Variants in C11orf65 observed in about 807,000 individuals in gnomAD.
The protein encoded by C11orf65 is protein MFI.
Under a neutral mutation model 35.3 loss-of-function variants are expected in C11orf65, and 38 were observed. The observed-to-expected ratio is 1.08, with a 90% confidence interval of 0.83 to 1.41. C11orf65 has a LOEUF of 1.41. C11orf65 is among the 40% of genes most tolerant of loss of function. The pLI, the probability that C11orf65 is intolerant of heterozygous loss-of-function variation, is 0.00. For synonymous variants in C11orf65, 105 were observed against 114.4 expected (o/e 0.92, Z 0.53); for missense variants, 370 against 367.1 (o/e 1.01, Z -0.06).
intron 3 of C11orf65, among the ~76,000 whole-genome samples, chr11:108,427,898 T>C (rs2092929644): frequency 1.8e-5 from 2 of 112,292 alleles, no homozygotes; most frequent in Admixed American, 1.1e-4. Flanking sequence ...TGGCGGGATC[T>C]CGGCTCACTG....
At chr11:108,315,927 C>G (rs2136122887) in intron 6 of C11orf65, 1 of 1,608,378 alleles carries the variant, frequency 6.2e-7, no homozygotes, top group East Asian at 2.2e-5. Flanking sequence ...TTGCATTTTT[C>G]TAAACAACGG....
rs2092557044 is a variant in C11orf65, at chr11:108,407,163, T to C, written c.175-14A>G. ...TAGAAGCTCTGCCTATAAGAAAATA[T>C]ATTATTCTTATATATTATTCTTCAG... is the stretch of plus-strand genomic sequence containing the variant. On this transcript the variant is annotated splice_polypyrimidine_tract_variant and intron_variant, in intron 3 of 8. Coordinates refer to ENST00000393084, the MANE Select transcript of C11orf65 (RefSeq NM_152587.5). 2.0e-6 allele frequency: 3 copies of C among 1,537,788 alleles called. No individual in the cohort carries two copies. The highest frequency in any genetic ancestry group is 2.7e-6 in the Non-Finnish European group (3 of 1,128,112).
intron 3 of C11orf65, among the ~76,000 whole-genome samples, chr11:108,428,620 A>G (rs554421824): frequency 2.6e-5 from 4 of 152,308 alleles, no homozygotes; most frequent in Admixed American, 2.6e-4. Context: ...ATGAGAACAC[A>G]TGGACACAGG....
At chr11:108,457,063 C>A (rs1236300645) in intron 2 of C11orf65, among the ~76,000 whole-genome samples, 4 of 151,970 alleles carry the variant, frequency 2.6e-5, no homozygotes, top group African/African-American at 9.7e-5. Context: ...ATACTTTGTT[C>A]TCATCATATA....
intron 3 of C11orf65, among the ~76,000 whole-genome samples, chr11:108,426,860 G>A (rs2092909581): frequency 6.6e-6 from 1 of 151,750 alleles, no homozygotes; most frequent in Non-Finnish European, 1.5e-5. Context: ...TCTCATCCTT[G>A]ACAAACCTGA....
intron 3 of C11orf65, among the ~76,000 whole-genome samples, chr11:108,411,315 C>G (rs913422169): frequency 2.0e-5 from 3 of 152,110 alleles, no homozygotes; most frequent in Non-Finnish European, 4.4e-5. Context: ...TTTAATTCCA[C>G]TGGGACTAGA....
intron 2 of C11orf65, among the ~76,000 whole-genome samples, chr11:108,374,375 CAG>C (rs201218910): frequency 0.28 from 42,573 of 151,910 alleles, 7,116 homozygotes; most frequent in Middle Eastern, 0.53. Context: ...CCCAGGTAAA[CAG>C]GGTCTGGAGT....
At position 108,387,337 on chromosome 11, in the gene C11orf65, T is replaced by C. The variant is rs371727040; in HGVS notation, c.732-1362A>G. On this transcript the variant is annotated intron_variant, in intron 7 of 8. Transcript: ENST00000393084. ...GCCCGGCTAATTTTTGTACTTTTAG[T>C]ACAGACAGGGTTTCACCATGTTGGC... Among the ~76,000 whole-genome samples the C allele has an allele frequency of 4.6e-5, 7 of 151,806 alleles. No individual in the cohort carries two copies. In the South Asian group the frequency reaches 1.5e-3, roughly 32 times the overall value.
chr11:108,317,003 A>G (rs1030155212), intron 6 of C11orf65, among the ~76,000 whole-genome samples: 2 of 151,466 alleles, frequency 1.3e-5, no homozygotes, highest in Admixed American at 1.3e-4. Context: ...GCGTGATCAT[A>G]GTTCACTGCA....
intron 2 of C11orf65, among the ~76,000 whole-genome samples, chr11:108,444,424 T>A (rs766854010): frequency 1.3e-5 from 2 of 152,026 alleles, no homozygotes; most frequent in Admixed American, 6.6e-5. Flanking sequence ...TCTGAAACTA[T>A]CCCAATCAAT....
chr11:108,325,869 C>G (rs1341204198), intron 6 of C11orf65, among the ~76,000 whole-genome samples: 2 of 151,796 alleles, frequency 1.3e-5, no homozygotes, highest in African/African-American at 2.4e-5. Flanking sequence ...TAGAGAGAGA[C>G]AGACAGACAG....
At chr11:108,349,629 C>T (rs1565572188) in intron 2 of C11orf65, among the ~76,000 whole-genome samples, 1 of 152,046 alleles carries the variant, frequency 6.6e-6, no homozygotes, top group Non-Finnish European at 1.5e-5. Flanking sequence ...TGCCACTGCA[C>T]TTCAGCCTGG....
intron 2 of C11orf65, among the ~76,000 whole-genome samples, chr11:108,364,388 C>A (rs3092993): frequency 0.11 from 16,167 of 152,126 alleles, 1,205 homozygotes; most frequent in Non-Finnish European, 0.14. Context: ...TCAGAAATTC[C>A]TCATGAACTC....
intron 3 of C11orf65, 102 bp downstream of exon 3, chr11:108,431,644 C>T: frequency 1.7e-6 from 1 of 586,924 alleles, no homozygotes; most frequent in Non-Finnish European, 2.7e-6. Flanking sequence ...TTAATAAAAA[C>T]AGTTTTAAAA....
intron 6 of C11orf65, among the ~76,000 whole-genome samples, chr11:108,401,370 A>T (rs2092435889): frequency 6.6e-6 from 1 of 151,836 alleles, no homozygotes; most frequent in Non-Finnish European, 1.5e-5. Context: ...AGAAAACCCA[A>T]CTCCCCCTAA....
rs199736195 is a variant in C11orf65 at position 108,416,675 on chromosome 11, AAAC to A, written c.175-9529_175-9527del. 7.5e-3 allele frequency among the ~76,000 whole-genome samples: 1,148 copies of A among 152,152 alleles called. 8 individuals are homozygous for A. Among genetic ancestry groups the A allele is most frequent in the African/African-American group, 0.024 (1,014 of 41,498 alleles). On this transcript the variant is annotated intron_variant, in intron 3 of 8. Transcript: ENST00000393084. ...CCTGGGCGACAGAAACTCCGTGTCAAAACAACAACAACAACAAAACAAAAACAA... is the reference window on the plus strand; with the variant it reads ...CCTGGGCGACAGAAACTCCGTGTCAAAACAACAACAACAAAACAAAAACAA...
rs760228732 is a variant in C11orf65 at position 108,320,071 on chromosome 11, G to A, written c.641-11000C>T. On this transcript the variant is annotated intron_variant, in intron 6 of 6. Transcript: ENST00000525729. The stretch of plus-strand genomic sequence containing the variant: ...TCAAATATGCCAGGTATTATGAAAA[G>A]ACAAAGTTACTGTATTTTAACATTT... The A allele has an allele frequency of 1.3e-6, 2 of 1,539,300 alleles. No individual in the cohort carries two copies. Among genetic ancestry groups the A allele is most frequent in the Non-Finnish European group, 9.0e-7 (1 of 1,112,566 alleles).
At chr11:108,438,815 G>T (rs2093106828) in intron 2 of C11orf65, among the ~76,000 whole-genome samples, 1 of 152,020 alleles carries the variant, frequency 6.6e-6, no homozygotes, top group Non-Finnish European at 1.5e-5. Context: ...AGACCAGTCT[G>T]GCCAACACAG....
intron 7 of C11orf65, among the ~76,000 whole-genome samples, chr11:108,388,462 A>G (rs923528496): frequency 1.3e-5 from 2 of 152,180 alleles, no homozygotes; most frequent in African/African-American, 4.8e-5. Context: ...GTCTACAATG[A>G]ATCCATTTGT....
Sources: allele counts gnomAD v4.1 joint callset (sites outside exome capture counted in the v4.1 genomes callset), GRCh38; gene constraint gnomAD v4.1.1; transcripts MANE v1.5; gene names NCBI Gene and HGNC (gene_info 2026-07-23, HGNC 2026-07-21).